Variants in RNLS observed in about 807,000 individuals in gnomAD.
RNLS encodes renalase.
RNLS carries 39 observed loss-of-function variants against 39.8 expected under a neutral mutation model. That is an observed-to-expected ratio of 0.98 (90% CI 0.76 to 1.28). The LOEUF (loss-of-function observed/expected upper bound fraction) is 1.28. Among genes scored for constraint, RNLS ranks in the 50% most tolerant of loss-of-function variants. The pLI is 0.00. For synonymous variants in RNLS, 147 were observed against 150.7 expected, an observed-to-expected ratio of 0.98 and a Z score of 0.18; for missense variants, 410 against 413.3, an observed-to-expected ratio of 0.99 and a Z score of 0.07.
intron 4 of RNLS, among the ~76,000 whole-genome samples, chr10:88,572,290 G>T (rs1310303626): frequency 1.3e-5 from 2 of 152,152 alleles, no homozygotes; most frequent in African/African-American, 2.4e-5. Context: ...TTAAACAAAG[G>T]TTACTATCTA....
intron 4 of RNLS, among the ~76,000 whole-genome samples, chr10:88,415,182 T>C (rs893583214): frequency 1.3e-5 from 2 of 152,190 alleles, no homozygotes; most frequent in South Asian, 4.1e-4. Flanking sequence ...CAAATGAACC[T>C]GAGAAAGGGT....
chr10:88,310,916 C>A (rs1352803320), intron 6 of RNLS, among the ~76,000 whole-genome samples: 1 of 149,518 alleles, frequency 6.7e-6, no homozygotes, highest in African/African-American at 2.5e-5. Context: ...TAACTGATTT[C>A]TAATTGTACT....
At chr10:88,214,518 A>C in the RNLS span, among the ~76,000 whole-genome samples, 1 of 123,332 alleles carries the variant, frequency 8.1e-6, no homozygotes, top group African/African-American at 3.2e-5. Flanking sequence ...AAAAAAAAAA[A>C]AAAAACTCAG....
At chr10:88,213,966 C>G in the RNLS span, among the ~76,000 whole-genome samples, 3 of 152,160 alleles carry the variant, frequency 2.0e-5, no homozygotes, top group Non-Finnish European at 4.4e-5. Context: ...AATTCATGGG[C>G]TTACACAAAC....
intron 4 of RNLS, among the ~76,000 whole-genome samples, chr10:88,498,007 A>C (rs1845270382): frequency 6.6e-6 from 1 of 152,136 alleles, no homozygotes; most frequent in Admixed American, 6.6e-5. Flanking sequence ...GATTCAGGCA[A>C]GAATCAATGG....
intron 4 of RNLS, among the ~76,000 whole-genome samples, chr10:88,564,647 A>T (rs1849395347): frequency 6.6e-6 from 1 of 152,196 alleles, no homozygotes; most frequent in Non-Finnish European, 1.5e-5. Flanking sequence ...AGTTTCACCA[A>T]GAATTGAGAC....
At chr10:88,222,029 T>A in the RNLS span, among the ~76,000 whole-genome samples, 2 of 152,224 alleles carry the variant, frequency 1.3e-5, no homozygotes, top group Non-Finnish European at 2.9e-5. Flanking sequence ...GTTTGTACTA[T>A]CATTAAGCAT....
At chr10:88,203,409 TATACAC>T in the RNLS span, among the ~76,000 whole-genome samples, 4 of 4,686 alleles carry the variant, frequency 8.5e-4, no homozygotes, top group Non-Finnish European at 2.2e-3. Flanking sequence ...TATATATATA[TATACAC>T]GTATGTGTAT....
the RNLS span, among the ~76,000 whole-genome samples, chr10:88,206,805 T>A: frequency 6.6e-6 from 1 of 152,080 alleles, no homozygotes; most frequent in South Asian, 2.1e-4. Flanking sequence ...CTCAATACTT[T>A]TGAAAAAGAA....
intron 4 of RNLS, among the ~76,000 whole-genome samples, chr10:88,567,082 G>A (rs1849542386): frequency 6.6e-6 from 1 of 151,948 alleles, no homozygotes; most frequent in Non-Finnish European, 1.5e-5. Context: ...AAATTAAAAT[G>A]AAACTAAAGA....
intron 4 of RNLS, among the ~76,000 whole-genome samples, chr10:88,471,253 AC>A (rs963621216): frequency 1.5e-5 from 2 of 129,860 alleles, no homozygotes; most frequent in African/African-American, 7.2e-5. Context: ...TTAATAGATA[AC>A]TGAATTATTT....
intron 4 of RNLS, among the ~76,000 whole-genome samples, chr10:88,543,655 C>A (rs1167335106): frequency 3.3e-5 from 5 of 151,946 alleles, no homozygotes; most frequent in Admixed American, 2.6e-4. Flanking sequence ...TAAGTACACA[C>A]AAAAAAACTT....
chr10:88,400,362 T>C (rs1852837822), intron 4 of RNLS, among the ~76,000 whole-genome samples: 1 of 152,060 alleles, frequency 6.6e-6, no homozygotes, highest in Non-Finnish European at 1.5e-5. Flanking sequence ...TCAGATTCTC[T>C]GGTCTAGTCA....
At chr10:88,411,954 G>C (rs889970941) in intron 4 of RNLS, among the ~76,000 whole-genome samples, 1 of 152,060 alleles carries the variant, frequency 6.6e-6, no homozygotes, top group African/African-American at 2.4e-5. Context: ...CCATAGTAAA[G>C]GGCGAAGGAA....
intron 6 of RNLS, among the ~76,000 whole-genome samples, chr10:88,304,845 C>T (rs1316198973): frequency 6.6e-6 from 1 of 152,064 alleles, no homozygotes; most frequent in Non-Finnish European, 1.5e-5. Flanking sequence ...ACAGAGAACC[C>T]TAGTAAGATA....
At chr10:88,317,340 C>T (rs1288754803) in intron 5 of RNLS, among the ~76,000 whole-genome samples, 1 of 152,218 alleles carries the variant, frequency 6.6e-6, no homozygotes, top group African/African-American at 2.4e-5. Context: ...AAATGAATTA[C>T]TCACATAAAA....
chr10:88,328,512 C>A (rs147887323), intron 5 of RNLS, among the ~76,000 whole-genome samples: 1 of 152,058 alleles, frequency 6.6e-6, no homozygotes, highest in African/African-American at 2.4e-5. Flanking sequence ...CATGTTTGCA[C>A]GTTTCTTTTT....
intron 5 of RNLS, 60 bp downstream of exon 5, chr10:88,362,492 T>G (rs908057074): frequency 6.8e-7 from 1 of 1,466,026 alleles, no homozygotes; most frequent in Non-Finnish European, 9.3e-7. Flanking sequence ...TAAACAGCAT[T>G]TTTCATGATC....
At chr10:88,393,450 A>G (rs1354945858) in intron 4 of RNLS, among the ~76,000 whole-genome samples, 1 of 152,188 alleles carries the variant, frequency 6.6e-6, no homozygotes, top group East Asian at 1.9e-4. Context: ...CAATTGCTTC[A>G]AAGACAATAA....
Sources: allele counts gnomAD v4.1 joint callset (sites outside exome capture counted in the v4.1 genomes callset), GRCh38; gene constraint gnomAD v4.1.1; transcripts MANE v1.5; gene names NCBI Gene and HGNC (gene_info 2026-07-23, HGNC 2026-07-21).